The following PADI2 variants were observed in gnomAD, a reference collection of about 807,000 sequenced individuals.
PADI2 encodes protein-arginine deiminase type-2.
Under a neutral mutation model 81.1 loss-of-function variants are expected in PADI2, and 70 were observed. The observed-to-expected ratio is 0.86, with a 90% CI of 0.71 to 1.05. The LOEUF (loss-of-function observed/expected upper bound fraction) is 1.05, where lower values mean the gene tolerates loss of function less well. Ranked by LOEUF, PADI2 falls within the 50% of genes least tolerant of loss-of-function variation. PADI2 has a pLI of 0.00. For missense variants in PADI2, 853 were observed against 889.9 expected, an observed-to-expected ratio of 0.96 and a Z score of 0.53; for synonymous variants, 338 against 358.0, an observed-to-expected ratio of 0.94 and a Z score of 0.63.
chr1:17,097,912 C>A (rs1387098463), intron 3 of PADI2, among the ~76,000 whole-genome samples: 1 of 152,164 alleles, frequency 6.6e-6, no homozygotes, highest in East Asian at 1.9e-4. Context: ...GCAGGTCCAG[C>A]CTCTTTAGGG....
chr1:17,086,845 C>T, intron 6 of PADI2, 146 bp from the exon 7 acceptor site: 1 of 654,066 alleles, frequency 1.5e-6, no homozygotes, highest in Non-Finnish European at 2.7e-6. Context: ...CCAGAATGGC[C>T]ATGGCTAGGT....
At position 17,104,951 on chromosome 1, in the gene PADI2, C is replaced by T. The variant is rs778385631; in HGVS notation, c.203G>A (p.Arg68His). ...AEEVATNGKQ[R>H]WLLSPSTTLR... ...GGTGGTGCTGGGCGAGAGAAGCCAGCGCTGCTTGCCATTGGTGGCCACCTC... is the reference window on the plus strand; with the variant it reads ...GGTGGTGCTGGGCGAGAGAAGCCAGTGCTGCTTGCCATTGGTGGCCACCTC... The change falls in exon 2 of 16, where the codon CGC becomes CAC. Residue 68 changes from arginine (R) to histidine (H), a missense_variant. By Grantham distance (29) the Arg-to-His change is conservative. Coordinates refer to ENST00000375486, the MANE Select transcript of PADI2 (RefSeq NM_007365.3). The T allele has an allele frequency of 1.1e-5, 17 of 1,608,596 alleles. No homozygotes were observed. Among genetic ancestry groups the T allele is most frequent in the Middle Eastern group, 1.7e-4 (1 of 5,764 alleles).
chr1:17,102,753 G>GGGA (rs1553183549), intron 3 of PADI2, among the ~76,000 whole-genome samples: 2 of 136,886 alleles, frequency 1.5e-5, no homozygotes, highest in Non-Finnish European at 3.0e-5. Flanking sequence ...TTGACACTTG[G>GGGA]GGGGGGGTTG....
rs768592470 is a variant in PADI2 at position 17,092,414 on chromosome 1, C to G, written c.649G>C (p.Val217Leu). 3 of 1,605,062 alleles carry G rather than the reference C, an allele frequency of 1.9e-6. No individual in the cohort carries two copies. Among genetic ancestry groups the G allele is most frequent in the Middle Eastern group, 1.7e-4 (1 of 6,036 alleles). The change falls in exon 6 of 16, where the codon GTG becomes CTG. Residue 217 changes from valine to leucine, a missense_variant. Physicochemically the swap from Val to Leu is conservative, Grantham distance 32. Coordinates refer to ENST00000375486, the MANE Select transcript of PADI2 (RefSeq NM_007365.3). ...SDSDKVGVFY[V>L]ENPFFGQRYI... ...CTGGGCTGGGATCACTCACTCTCCA[C>G]GTAGAACACGCCCACTTTGTCTGAG...
chr1:17,087,274 T>C (rs733785), intron 6 of PADI2, among the ~76,000 whole-genome samples: 49,930 of 151,976 alleles, frequency 0.33, 8,665 homozygotes, highest in East Asian at 0.59. Flanking sequence ...GGCGGAAAGA[T>C]AGGTTCCTCC....
At position 17,104,503 on chromosome 1, in the gene PADI2, C is replaced by CGGCTCACT. The variant is rs755847249; in HGVS notation, c.276+367_276+374dup. 1.7e-3 allele frequency among the ~76,000 whole-genome samples: 180 copies of CGGCTCACT among 107,760 alleles called. 3 individuals are homozygous for CGGCTCACT. Among genetic ancestry groups the CGGCTCACT allele is most frequent in the Non-Finnish European group, 2.8e-3 (162 of 58,320 alleles). 70.7% of individuals were successfully genotyped at this position (107,760 alleles called of 152,430 possible). ...AGGCTGGAGTGCAGTGGTGCGATCT[C>CGGCTCACT]GGCTCACTGCAAGCTCCGCCTCCCG... On this transcript the variant is annotated intron_variant, in intron 2 of 15. Transcript: ENST00000375486.
At chr1:17,085,158 T>C (rs1409603429) in intron 7 of PADI2, among the ~76,000 whole-genome samples, 1 of 152,272 alleles carries the variant, frequency 6.6e-6, no homozygotes, top group Non-Finnish European at 1.5e-5. Context: ...CTTGCCGTTT[T>C]CTGTATGTGG....
In PADI2 at chr1:17,095,892, C is replaced by T. The variant is rs374672983; in HGVS notation, c.411+17G>A. Reference sequence around the variant, plus strand: ...AGCCCTGGGTTCAGGGTGGTGCCTGCCCTGAAAGCTAGGTACCTTCTTTGG... The same window carrying T: ...AGCCCTGGGTTCAGGGTGGTGCCTGTCCTGAAAGCTAGGTACCTTCTTTGG... On this transcript the variant is annotated intron_variant, in intron 4 of 15. Coordinates refer to ENST00000375486, the MANE Select transcript of PADI2 (RefSeq NM_007365.3). 1.2e-6 allele frequency: 2 copies of T among 1,602,772 alleles called. No homozygotes were observed. The highest frequency in any genetic ancestry group is 2.7e-5 in the African/African-American group (2 of 74,742).
intron 8 of PADI2, 124 bp from the exon 9 acceptor site, chr1:17,083,961 G>T: frequency 1.5e-6 from 1 of 646,836 alleles, no homozygotes; most frequent in Non-Finnish European, 2.8e-6. Context: ...GTCTACACCT[G>T]TGCTCACGGC....
chr1:17,071,272 C>T, intron 14 of PADI2, 134 bp downstream of exon 14: 1 of 635,714 alleles, frequency 1.6e-6, no homozygotes, highest in Non-Finnish European at 2.8e-6. Context: ...GGAGGCTCTT[C>T]CCTGTGCTGC....
At chr1:17,111,540 A>G (rs191844331) in intron 1 of PADI2, among the ~76,000 whole-genome samples, 2 of 152,304 alleles carry the variant, frequency 1.3e-5, no homozygotes, top group South Asian at 4.1e-4. Context: ...AAACTTTATA[A>G]TCTAAAGGAC....
At chr1:17,072,639 T>C (rs114683896) in intron 13 of PADI2, among the ~76,000 whole-genome samples, 1 of 152,296 alleles carries the variant, frequency 6.6e-6, no homozygotes, top group African/African-American at 2.4e-5. Flanking sequence ...ATTACATGAA[T>C]GTCTAAGTCC....
At chr1:17,079,639 T>A (rs1441845288) in intron 10 of PADI2, among the ~76,000 whole-genome samples, 4 of 151,028 alleles carry the variant, frequency 2.6e-5, no homozygotes. Context: ...TGAGAGTGAG[T>A]GTGAGAGTGA....
intron 11 of PADI2, among the ~76,000 whole-genome samples, chr1:17,078,441 C>G (rs2078321123): frequency 6.6e-6 from 1 of 152,100 alleles, no homozygotes; most frequent in Non-Finnish European, 1.5e-5. Flanking sequence ...TCTCTCTCAC[C>G]CAGGCTGGAG....
rs12133334 is a variant in PADI2 at position 17,067,879 on chromosome 1, C to A, written c.*1165G>T. The A allele has an allele frequency of 0.52, 79,386 of 152,154 alleles. 21,588 individuals are homozygous for A. Among genetic ancestry groups the A allele is most frequent in the Non-Finnish European group, 0.61 (41,485 of 67,978 alleles). 9.4% of individuals were successfully genotyped at this position (152,154 alleles called of 1,614,324 possible). On this transcript the variant is annotated 3_prime_UTR_variant, in exon 16 of 16. Coordinates refer to ENST00000375486, the MANE Select transcript of PADI2 (RefSeq NM_007365.3). Reference sequence around the variant, plus strand: ...CTTCTGGCCCTAAAGGAACTTTTAACGATTGAAACTGAGTCTTTTCAGTTG... The same window carrying A: ...CTTCTGGCCCTAAAGGAACTTTTAAAGATTGAAACTGAGTCTTTTCAGTTG...
At chr1:17,112,528 G>GGGGC (rs138078163) in intron 1 of PADI2, among the ~76,000 whole-genome samples, 1 of 151,930 alleles carries the variant, frequency 6.6e-6, no homozygotes, top group African/African-American at 2.4e-5. Flanking sequence ...GAGTCTGGGG[G>GGGGC]GGGGAGTCGT....
intron 3 of PADI2, among the ~76,000 whole-genome samples, chr1:17,096,306 C>T (rs1400779830): frequency 1.3e-5 from 2 of 152,338 alleles, no homozygotes; most frequent in African/African-American, 2.4e-5. Context: ...GGTGAAGTCG[C>T]ATGCCCAAGA....
At chr1:17,071,301 C>G (rs1391867846) in intron 14 of PADI2, 105 bp downstream of exon 14, 1 of 779,862 alleles carries the variant, frequency 1.3e-6, no homozygotes, top group East Asian at 2.5e-5. Context: ...GGGTCAGGAG[C>G]TCCTGAGCCC....
intron 1 of PADI2, among the ~76,000 whole-genome samples, chr1:17,110,177 G>T (rs145687990): frequency 6.6e-6 from 1 of 152,150 alleles, no homozygotes; most frequent in Admixed American, 6.5e-5. Flanking sequence ...GCAGAAACCC[G>T]AGAGCCAGGG....
Sources: allele counts gnomAD v4.1 joint callset (sites outside exome capture counted in the v4.1 genomes callset), GRCh38; gene constraint gnomAD v4.1.1; transcripts MANE v1.5; gene names NCBI Gene and HGNC (gene_info 2026-07-23, HGNC 2026-07-21).